The following CDK17 variants were observed in gnomAD, a reference collection of about 807,000 sequenced individuals.
CDK17 encodes the protein cyclin dependent kinase 17, also known as cyclin-dependent kinase 17.
A neutral mutation model predicts 77.6 loss-of-function variants in CDK17; 24 were observed. That is an observed-to-expected ratio of 0.31 (90% confidence interval 0.22 to 0.44). The LOEUF is 0.44. Among genes scored for constraint, CDK17 ranks in the 20% least tolerant of loss-of-function variants. CDK17 has a pLI of 1.00. For synonymous variants in CDK17, 203 were observed against 210.4 expected, an observed-to-expected ratio of 0.96 and a Z score of 0.30; for missense variants, 429 against 622.5, an observed-to-expected ratio of 0.69 and a Z score of 3.31.
rs184304194 is a variant in CDK17 at position 96,356,057 on chromosome 12, C to T, written c.-29-21192G>A. ...ATTCACACACAGGCCCTATCATGTC[C>T]CCAGCAATATAGGAGGCATTAAGGG... On this transcript the variant is annotated intron_variant, in intron 1 of 16. Coordinates refer to ENST00000261211, the MANE Select transcript of CDK17 (RefSeq NM_002595.5). Among the ~76,000 whole-genome samples the T allele has an allele frequency of 3.3e-5, 5 of 152,204 alleles. No individual in the cohort carries two copies. In the East Asian group the frequency reaches 9.7e-4, roughly 29 times the overall value.
chr12:96,381,159 A>C (rs972484207), intron 1 of CDK17, among the ~76,000 whole-genome samples: 1 of 152,190 alleles, frequency 6.6e-6, no homozygotes, highest in African/African-American at 2.4e-5. Flanking sequence ...GATGCTCTCT[A>C]AGCCTTCTGA....
At chr12:96,384,253 C>CA in intron 1 of CDK17, among the ~76,000 whole-genome samples, 1 of 152,250 alleles carries the variant, frequency 6.6e-6, no homozygotes, top group Middle Eastern at 3.4e-3. Flanking sequence ...CAAAAAATAA[C>CA]AGATGTTGGC....
intron 5 of CDK17, among the ~76,000 whole-genome samples, chr12:96,305,708 C>T (rs970544619): frequency 2.6e-5 from 4 of 151,936 alleles, no homozygotes; most frequent in Non-Finnish European, 5.9e-5. Flanking sequence ...AGGGAGTTTT[C>T]GGTTAATGGC....
chr12:96,350,238 C>T (rs947566164), intron 1 of CDK17, among the ~76,000 whole-genome samples: 46 of 151,824 alleles, frequency 3.0e-4, no homozygotes, highest in African/African-American at 1.1e-3. Context: ...TTCAATGGTG[C>T]TCTTTTGCAG....
intron 7 of CDK17, among the ~76,000 whole-genome samples, 180 bp downstream of exon 7, chr12:96,298,689 A>G (rs113019276): frequency 2.0e-5 from 3 of 152,246 alleles, no homozygotes; most frequent in South Asian, 2.1e-4. Flanking sequence ...AGATTTCATT[A>G]TAAGTTATAC....
At chr12:96,344,656 TA>T (rs1331818112) in intron 1 of CDK17, among the ~76,000 whole-genome samples, 1 of 152,184 alleles carries the variant, frequency 6.6e-6, no homozygotes, top group Non-Finnish European at 1.5e-5. Flanking sequence ...GGAAGTATGT[TA>T]CCAGTAGACC....
At chr12:96,386,077 C>T (rs1367199728) in intron 1 of CDK17, among the ~76,000 whole-genome samples, 1 of 152,174 alleles carries the variant, frequency 6.6e-6, no homozygotes, top group African/African-American at 2.4e-5. Flanking sequence ...TGGGGAGCAG[C>T]GGCACAATCA....
In CDK17 at chr12:96,313,359, A is replaced by C. The variant is rs1952668463; in HGVS notation, c.379T>G (p.Cys127Gly). 1 of 1,598,240 alleles carries C rather than the reference A, an allele frequency of 6.3e-7. No homozygotes were observed. Among genetic ancestry groups the C allele is most frequent in the Non-Finnish European group, 8.5e-7 (1 of 1,174,450 alleles). The change falls in exon 4 of 17, where the codon TGT becomes GGT. Residue 127 changes from cysteine to glycine, a missense_variant. This residue lies in a region of CDK17 where 262 missense variants were observed against 385.4 expected (regional missense o/e 0.68). Coordinates refer to ENST00000261211, the MANE Select transcript of CDK17 (RefSeq NM_002595.5). ...CGTCTATGTATACGATTTCTGAGAC[A>C]AACACCTGTAGGTGACTGGACTTCA... ...SDEVQSPTGV[C>G]LRNRIHRRIS...
rs774153801 is a variant in CDK17, at chr12:96,313,458, T to C, written c.284-4A>G. 1.3e-6 allele frequency: 2 copies of C among 1,512,024 alleles called. No individual in the cohort carries two copies. Among genetic ancestry groups the C allele is most frequent in the South Asian group, 2.6e-5 (2 of 77,692 alleles). 93.7% of individuals were successfully genotyped at this position (1,512,024 alleles called of 1,614,324 possible). A position where few individuals can be genotyped will look rare whatever the true frequency, so the allele number is the denominator to read the frequency against. On this transcript the variant is annotated splice_region_variant and splice_polypyrimidine_tract_variant and intron_variant, in intron 3 of 16. Coordinates refer to ENST00000261211, the MANE Select transcript of CDK17 (RefSeq NM_002595.5). Reference sequence around the variant, plus strand: ...TTTAGATTTTCATGAACAATATCTATATCAAAAAATGAGACATTAAAAGAG... The same window carrying C: ...TTTAGATTTTCATGAACAATATCTACATCAAAAAATGAGACATTAAAAGAG...
At chr12:96,328,242 C>A (rs1952916422) in intron 2 of CDK17, among the ~76,000 whole-genome samples, 1 of 152,028 alleles carries the variant, frequency 6.6e-6, no homozygotes, top group Non-Finnish European at 1.5e-5. Flanking sequence ...TCAGATGGGA[C>A]CATCTAGTTG....
chr12:96,354,849 A>G (rs1023895281), intron 1 of CDK17, among the ~76,000 whole-genome samples: 3 of 152,036 alleles, frequency 2.0e-5, no homozygotes, highest in African/African-American at 7.2e-5. Context: ...TCATCACTGC[A>G]CTCCAGCCTG....
At chr12:96,350,034 C>T (rs1358655162) in intron 1 of CDK17, among the ~76,000 whole-genome samples, 1 of 152,092 alleles carries the variant, frequency 6.6e-6, no homozygotes, top group Non-Finnish European at 1.5e-5. Flanking sequence ...GCATCAAAAA[C>T]AGTAAAATAC....
chr12:96,396,197 A>T (rs1226131799), intron 1 of CDK17, among the ~76,000 whole-genome samples: 1 of 152,234 alleles, frequency 6.6e-6, no homozygotes, highest in African/African-American at 2.4e-5. Context: ...AGAGGCAGAC[A>T]GGCTGGGAAC....
chr12:96,356,874 A>G (rs1953401793), intron 1 of CDK17, among the ~76,000 whole-genome samples: 1 of 152,250 alleles, frequency 6.6e-6, no homozygotes, highest in Admixed American at 6.5e-5. Flanking sequence ...GCTGGGCAAT[A>G]AATTAAAATT....
At chr12:96,316,850 A>G (rs1411687150) in intron 3 of CDK17, among the ~76,000 whole-genome samples, 1 of 146,068 alleles carries the variant, frequency 6.8e-6, no homozygotes, top group African/African-American at 2.5e-5. Context: ...AACCACAAAG[A>G]TGGGGAAAAA....
At chr12:96,325,656 G>A (rs1952883902) in intron 2 of CDK17, among the ~76,000 whole-genome samples, 1 of 152,164 alleles carries the variant, frequency 6.6e-6, no homozygotes, top group South Asian at 2.1e-4. Flanking sequence ...TGGAGGTAGG[G>A]GCAAATGCCT....
chr12:96,292,591 C>CA (rs960488384), intron 10 of CDK17, among the ~76,000 whole-genome samples: 5 of 151,984 alleles, frequency 3.3e-5, no homozygotes, highest in African/African-American at 1.2e-4. Context: ...GGTGACAGAG[C>CA]AAGACCCTGT....
intron 1 of CDK17, among the ~76,000 whole-genome samples, chr12:96,376,526 C>T (rs1300578835): frequency 3.3e-5 from 5 of 152,140 alleles, no homozygotes; most frequent in Non-Finnish European, 5.9e-5. Flanking sequence ...GCCAAAATTC[C>T]GCAGTACCAC....
intron 1 of CDK17, among the ~76,000 whole-genome samples, chr12:96,344,162 A>G (rs953387279): frequency 6.6e-6 from 1 of 152,178 alleles, no homozygotes; most frequent in African/African-American, 2.4e-5. Flanking sequence ...GGATACAAAG[A>G]AAAAAGAATG....
Sources: gnomAD v4.1 joint callset for allele counts (sites outside exome capture counted in the v4.1 genomes callset) on GRCh38, gnomAD v4.1.1 for gene constraint, gnomAD v4.1.1 regional missense constraint, MANE v1.5 for transcripts, NCBI Gene and HGNC (gene_info 2026-07-23, HGNC 2026-07-21) for gene names.